The following PLCG2 variants were observed in gnomAD, a reference collection of about 807,000 sequenced individuals.
The protein encoded by PLCG2 is phospholipase C gamma 2.
PLCG2 carries 69 observed loss-of-function variants against 175.6 expected under a neutral mutation model. That is an observed-to-expected ratio of 0.39 (90% confidence interval 0.32 to 0.48). The LOEUF (loss-of-function observed/expected upper bound fraction) is 0.48. PLCG2 is among the 20% of genes least tolerant of loss of function. The pLI, the probability that PLCG2 is intolerant of heterozygous loss-of-function variation, is 0.91. For missense variants in PLCG2, 1,798 were observed against 1,650.9 expected, an observed-to-expected ratio of 1.09 and a Z score of -1.54; for synonymous variants, 827 against 624.0, an observed-to-expected ratio of 1.33 and a Z score of -4.85.
At chr16:81,740,250 TCTTC>T (rs1013342581) in intron 1 of PLCG2, 1 of 152,120 alleles carries the variant, frequency 6.6e-6, no homozygotes, top group African/African-American at 2.4e-5. Flanking sequence ...ACATTTACTG[TCTTC>T]CTTAGGAAGC....
intron 2 of PLCG2, among the ~76,000 whole-genome samples, chr16:81,822,768 A>C (rs1904859225): frequency 6.7e-6 from 1 of 148,362 alleles, no homozygotes; most frequent in South Asian, 2.1e-4. Context: ...TCTCAAAAAA[A>C]AAAAAAAAAA....
Position 81,927,184 on chromosome 16 carries a change from TCC to T in PLCG2, c.2514+10_2514+11del. On this transcript the variant is annotated splice_region_variant and intron_variant, in intron 23 of 32. Coordinates refer to ENST00000564138, the MANE Select transcript of PLCG2 (RefSeq NM_002661.5). ...TCGAGGAGCTAGAAAAGCAGGTGAGTCCCCCTCTTCGATCCTCTTACAGGAAG... is the reference window on the plus strand; with the variant it reads ...TCGAGGAGCTAGAAAAGCAGGTGAGTCCCTCTTCGATCCTCTTACAGGAAG... 6.3e-7 allele frequency: 1 copy of T among 1,589,756 alleles called. No homozygotes were observed. The highest frequency in any genetic ancestry group is 8.6e-7 in the Non-Finnish European group (1 of 1,158,092).
chr16:81,901,383 C>G (rs1909144594), intron 14 of PLCG2, among the ~76,000 whole-genome samples: 1 of 152,184 alleles, frequency 6.6e-6, no homozygotes, highest in South Asian at 2.1e-4. Flanking sequence ...TATGCCGTGG[C>G]TTAAAGCACA....
intron 13 of PLCG2, 34 bp from the exon 14 acceptor site, chr16:81,900,578 C>A: frequency 6.4e-7 from 1 of 1,558,462 alleles, no homozygotes; most frequent in South Asian, 1.2e-5. Context: ...TGTGTGCTCC[C>A]CCTGCCGAGC....
At chr16:81,819,086 C>T (rs758917513) in intron 2 of PLCG2, among the ~76,000 whole-genome samples, 13 of 152,060 alleles carry the variant, frequency 8.5e-5, no homozygotes, top group Non-Finnish European at 1.8e-4. Flanking sequence ...CTCAAGTCTA[C>T]ACAGCGGGGC....
At chr16:81,803,602 T>TC in intron 2 of PLCG2, among the ~76,000 whole-genome samples, 7 of 148,214 alleles carry the variant, frequency 4.7e-5, no homozygotes, top group Admixed American at 3.4e-4. Context: ...TTTTCTCCTT[T>TC]TCTTTTCTTT....
At chr16:81,895,695 G>A in intron 12 of PLCG2, 112 bp from the exon 13 acceptor site, 1 of 1,178,344 alleles carries the variant, frequency 8.5e-7, no homozygotes. Flanking sequence ...GCCGAATGGA[G>A]GGAGTGTGGG....
At chr16:81,832,739 T>C (rs756869857) in intron 2 of PLCG2, among the ~76,000 whole-genome samples, 2 of 152,222 alleles carry the variant, frequency 1.3e-5, no homozygotes, top group Non-Finnish European at 2.9e-5. Flanking sequence ...CTGTGAGTGG[T>C]ATGATATCCA....
chr16:81,861,902 G>T (rs1906999749), intron 5 of PLCG2, among the ~76,000 whole-genome samples: 1 of 152,154 alleles, frequency 6.6e-6, no homozygotes, highest in Non-Finnish European at 1.5e-5. Context: ...GCTGGTCCAG[G>T]ACCCTCTGCA....
At chr16:81,884,089 G>A (rs970981173) in intron 9 of PLCG2, among the ~76,000 whole-genome samples, 4 of 152,216 alleles carry the variant, frequency 2.6e-5, no homozygotes, top group African/African-American at 4.8e-5. Flanking sequence ...GGTGGCTCAC[G>A]CCTATAATCC....
chr16:81,935,858 C>T lies in PLCG2; in HGVS notation c.2843-311C>T, dbSNP rs866091972. Reference sequence around the variant, plus strand: ...ACCCAAAACCATTCCCATTCTCCCTCTTCTATAACTGTACCACTTTTGTGT... The same window carrying T: ...ACCCAAAACCATTCCCATTCTCCCTTTTCTATAACTGTACCACTTTTGTGT... On this transcript the variant is annotated intron_variant, in intron 26 of 32. Transcript: ENST00000564138. 3.1e-5 allele frequency: 31 copies of T among 985,262 alleles called. No individual in the cohort carries two copies. The Middle Eastern group carries it at 4.2e-3, about 133-fold the overall frequency. 61.0% of individuals were successfully genotyped at this position (985,262 alleles called of 1,614,324 possible). A position where few individuals can be genotyped will look rare whatever the true frequency, so the allele number is the denominator to read the frequency against.
At chr16:81,812,167 A>T (rs1375700451) in intron 2 of PLCG2, among the ~76,000 whole-genome samples, 1 of 147,854 alleles carries the variant, frequency 6.8e-6, no homozygotes, top group Non-Finnish European at 1.5e-5. Flanking sequence ...CTCCTGTCTC[A>T]GCCTCCTGAG....
rs940710887 is a variant in PLCG2, at chr16:81,816,660, T to C, written c.193+30478T>C. On this transcript the variant is annotated intron_variant, in intron 2 of 32. Transcript: ENST00000564138. Reference sequence around the variant, plus strand: ...TGCCCAGCTAATTTTAATTTTTTTTTTTTTTTTTTTTTTTTTTTTTTAGTA... The same window carrying C: ...TGCCCAGCTAATTTTAATTTTTTTTCTTTTTTTTTTTTTTTTTTTTTAGTA... Among the ~76,000 whole-genome samples, 270 of 100,374 alleles carry C rather than the reference T, an allele frequency of 2.7e-3. 13 individuals carry two copies. Among genetic ancestry groups the C allele is most frequent in the Admixed American group, 4.2e-3 (45 of 10,834 alleles). 65.8% of individuals were successfully genotyped at this position (100,374 alleles called of 152,430 possible).
intron 30 of PLCG2, among the ~76,000 whole-genome samples, chr16:81,945,827 T>G (rs985274605): frequency 2.6e-5 from 4 of 152,228 alleles, no homozygotes; most frequent in African/African-American, 9.6e-5. Flanking sequence ...GATTCACTAC[T>G]CTTTTGGTCT....
In PLCG2 at chr16:81,956,616, G is replaced by C. The variant is rs556640277; in HGVS notation, c.3571-79G>C. 11 of 1,319,146 alleles carry C rather than the reference G, an allele frequency of 8.3e-6. No individual in the cohort carries two copies. The African/African-American group carries it at 1.4e-4, about 17-fold the overall frequency. The allele number at this position is 1,319,146 out of a possible 1,614,324, so 81.7% of individuals were successfully genotyped here. A position where few individuals can be genotyped will look rare whatever the true frequency, so the allele number is the denominator to read the frequency against. ...TCTGCCCCATGCTCCCTTTGGGCAT[G>C]CTTGTGAGATGCCAGGTTCACATTT... On this transcript the variant is annotated intron_variant, in intron 31 of 32. Transcript: ENST00000564138.
chr16:81,775,098 A>G (rs758459423), upstream of PLCG2, among the ~76,000 whole-genome samples: 2 of 152,042 alleles, frequency 1.3e-5, no homozygotes, highest in Non-Finnish European at 2.9e-5. Context: ...ATCCCATGCA[A>G]CTCATGCATG....
In PLCG2 at chr16:81,763,887, A is replaced by C. The variant is rs541219467; in HGVS notation, c.-48+7921A>C. 2.0e-5 allele frequency among the ~76,000 whole-genome samples: 3 copies of C among 152,210 alleles called. No individual in the cohort carries two copies. The East Asian group carries it at 5.8e-4, about 29-fold the overall frequency. On this transcript the variant is annotated intron_variant, in intron 2 of 5. Transcript: ENST00000565054. ...GAGGCTGAGGCATGAGAGTCGCTTGAACCCAGGAGTCGGAGGTTTCAGTGA... is the reference window on the plus strand; with the variant it reads ...GAGGCTGAGGCATGAGAGTCGCTTGCACCCAGGAGTCGGAGGTTTCAGTGA...
Position 81,786,090 on chromosome 16 carries a change from G to T in PLCG2, c.101G>T (p.Arg34Leu), listed in dbSNP as rs537204469. Residue 34 changes from arginine to leucine, a missense_variant, in exon 2 of 33, where the codon CGC becomes CTC. By Grantham distance (102) the Arg-to-Leu change is moderately radical (BLOSUM62 -2). Transcript: ENST00000564138. ...ACGGTGATGACTGTGTTCAGCTTCC[G>T]CAAGTCCACCCCCGAGCGGAGAACC... is the stretch of plus-strand genomic sequence containing the variant. ...LGTVMTVFSFRKSTPERRTVQ... is the reference protein window; with the variant it reads ...LGTVMTVFSFLKSTPERRTVQ... The T allele has an allele frequency of 3.1e-6, 5 of 1,614,174 alleles. No individual in the cohort carries two copies. The highest frequency in any genetic ancestry group is 2.2e-5 in the East Asian group (1 of 44,884).
intron 13 of PLCG2, among the ~76,000 whole-genome samples, chr16:81,896,683 C>G (rs1366242794): frequency 1.3e-5 from 2 of 152,200 alleles, no homozygotes; most frequent in African/African-American, 2.4e-5. Context: ...TTCTCACCCC[C>G]ACCAAACCTG....
Sources: gnomAD v4.1 joint callset for allele counts (sites outside exome capture counted in the v4.1 genomes callset) on GRCh38, gnomAD v4.1.1 for gene constraint, MANE v1.5 for transcripts, NCBI Gene and HGNC (gene_info 2026-07-23, HGNC 2026-07-21) for gene names.